Variants in STYK1 observed in about 807,000 individuals in gnomAD.
STYK1 encodes the protein STY kinase 1.
A neutral mutation model predicts 48.1 loss-of-function variants in STYK1; 46 were observed. The observed-to-expected ratio is 0.96, with a 90% confidence interval of 0.75 to 1.22. The LOEUF (loss-of-function observed/expected upper bound fraction) is 1.22, where lower values mean the gene tolerates loss of function less well. STYK1 is among the 50% of genes most tolerant of loss of function. STYK1 has a pLI of 0.00. For synonymous variants in STYK1, 188 were observed against 189.0 expected (o/e 0.99, Z 0.04); for missense variants, 527 against 521.1 (o/e 1.01, Z -0.11).
chr12:10,620,436 A>G, intron 10 of STYK1, 88 bp from the exon 11 acceptor site: 1 of 1,209,212 alleles, frequency 8.3e-7, no homozygotes, highest in Non-Finnish European at 1.2e-6. Flanking sequence ...TTAACAAACA[A>G]CTCTGCAATT....
intron 2 of STYK1, among the ~76,000 whole-genome samples, chr12:10,635,338 TAAA>T (rs768667267): frequency 7.2e-5 from 11 of 152,306 alleles, no homozygotes; most frequent in Non-Finnish European, 1.3e-4. Context: ...AGATAACAAA[TAAA>T]AAATTGACAG....
chr12:10,634,605 C>T lies in STYK1; in HGVS notation c.14G>A (p.Arg5Gln), dbSNP rs773219958. 27 of 1,613,996 alleles carry T rather than the reference C, an allele frequency of 1.7e-5. No homozygotes were observed. Among genetic ancestry groups the T allele is most frequent in the African/African-American group, 6.7e-5 (5 of 74,900 alleles). The stretch of plus-strand genomic sequence containing the variant: ...ACTGAGACTGCATTCCAGGAGCATC[C>T]GTGTCATGCCCATTGCCACAGGGCT... Reference protein sequence around the residue: MGMTRMLLECSLSDK... With the variant: MGMTQMLLECSLSDK... Residue 5 changes from arginine to glutamine, a missense_variant, in exon 3 of 11, where the codon CGG becomes CAG. Arg to Gln is a conservative substitution (Grantham distance 43). Coordinates refer to ENST00000075503, the MANE Select transcript of STYK1 (RefSeq NM_018423.3).
intron 1 of STYK1, among the ~76,000 whole-genome samples, chr12:10,654,397 T>C (rs1947695524): frequency 6.6e-6 from 1 of 152,216 alleles, no homozygotes; most frequent in Non-Finnish European, 1.5e-5. Flanking sequence ...CCCTGAATTA[T>C]TTCTTTAGCA....
chr12:10,628,677 G>C (rs1367517034), intron 6 of STYK1, among the ~76,000 whole-genome samples: 1 of 152,124 alleles, frequency 6.6e-6, no homozygotes, highest in East Asian at 1.9e-4. Flanking sequence ...TAGGGAAACA[G>C]GTAGCACTTC....
intron 1 of STYK1, among the ~76,000 whole-genome samples, chr12:10,644,870 A>T (rs1415578593): frequency 2.0e-5 from 3 of 152,166 alleles, no homozygotes; most frequent in Non-Finnish European, 4.4e-5. Context: ...TCTGGACCAG[A>T]GATAAATATT....
At position 10,629,517 on chromosome 12, in the gene STYK1, G is replaced by T; in HGVS notation, c.609C>A (p.Leu203=). Residue 203 remains leucine, a synonymous_variant, in exon 6 of 11, where the codon CTC becomes CTA. Transcript: ENST00000075503. The stretch of plus-strand genomic sequence containing the variant: ...CCCGCCGACAGGTCCAGAGAAAGCT[G>T]AGCAGGTCCCCCTGGGCCACATCCT... ...VLEDVAQGDL[L]SFLWTCRRDV... is the part of the protein sequence containing the mutation. 6.2e-7 allele frequency: 1 copy of T among 1,614,050 alleles called. No individual in the cohort carries two copies. The highest frequency in any genetic ancestry group is 1.1e-5 in the South Asian group (1 of 91,066).
intron 1 of STYK1, among the ~76,000 whole-genome samples, chr12:10,638,496 ATATAAC>A (rs1329498929): frequency 5.9e-5 from 9 of 152,228 alleles, no homozygotes; most frequent in Admixed American, 3.9e-4. Flanking sequence ...AAGCTCATGA[ATATAAC>A]TATAACGAAA....
intron 1 of STYK1, among the ~76,000 whole-genome samples, chr12:10,647,102 T>A (rs1947608769): frequency 1.3e-5 from 2 of 152,222 alleles, no homozygotes; most frequent in South Asian, 4.1e-4. Context: ...AATGTCCCTA[T>A]TGGGGCACCA....
intron 7 of STYK1, among the ~76,000 whole-genome samples, chr12:10,625,393 A>G (rs1054367190): frequency 6.6e-6 from 1 of 151,836 alleles, no homozygotes; most frequent in African/African-American, 2.4e-5. Flanking sequence ...AATTTTTTGT[A>G]TTTTTAGTAG....
intron 2 of STYK1, among the ~76,000 whole-genome samples, chr12:10,635,881 C>A (rs1000785890): frequency 2.0e-5 from 3 of 152,154 alleles, no homozygotes; most frequent in African/African-American, 4.8e-5. Flanking sequence ...TTATATTTTG[C>A]CTTTGCTTGA....
chr12:10,645,750 G>A (rs2120714066), intron 1 of STYK1, among the ~76,000 whole-genome samples: 1 of 152,300 alleles, frequency 6.6e-6, no homozygotes, highest in Middle Eastern at 3.4e-3. Context: ...ACTTGATATG[G>A]TTTGGCTGTG....
At chr12:10,667,587 C>T (rs1947846574) in intron 1 of STYK1, 1 of 152,332 alleles carries the variant, frequency 6.6e-6, no homozygotes, top group African/African-American at 2.4e-5. Flanking sequence ...CTGTGATCAT[C>T]CCACTGTACT....
intron 1 of STYK1, among the ~76,000 whole-genome samples, chr12:10,661,648 AT>A (rs1359478566): frequency 6.6e-6 from 1 of 152,224 alleles, no homozygotes; most frequent in Non-Finnish European, 1.5e-5. Context: ...ATATTTAGTC[AT>A]TTAATTCTAC....
At chr12:10,643,971 G>A (rs368113979) in intron 1 of STYK1, among the ~76,000 whole-genome samples, 11 of 151,052 alleles carry the variant, frequency 7.3e-5, no homozygotes, top group African/African-American at 9.7e-5. Context: ...TTGTATTTTA[G>A]AAAAAAAAAA....
chr12:10,620,090 G>A lies in STYK1; in HGVS notation c.*54C>T. On this transcript the variant is annotated 3_prime_UTR_variant, in exon 11 of 11. Coordinates refer to ENST00000075503, the MANE Select transcript of STYK1 (RefSeq NM_018423.3). ...GAAAGACCATTCTCTGTTCTTAGAG[G>A]AATTGATTCCAAGAACATATACTCA... 1 of 1,576,584 alleles carries A rather than the reference G, an allele frequency of 6.3e-7. No homozygotes were observed. Among genetic ancestry groups the A allele is most frequent in the South Asian group, 1.1e-5 (1 of 90,304 alleles).
Position 10,634,697 on chromosome 12 carries a change from A to T in STYK1, c.-68-11T>A, listed in dbSNP as rs1252167908. On this transcript the variant is annotated splice_polypyrimidine_tract_variant and intron_variant, in intron 2 of 10. Coordinates refer to ENST00000075503, the MANE Select transcript of STYK1 (RefSeq NM_018423.3). ...AGCTGTGAGTAATTCCTAAGGATTG[A>T]GTGGTTTTTGAAAAAAATAAAATGA... 3.3e-6 allele frequency: 5 copies of T among 1,529,088 alleles called. No individual in the cohort carries two copies. The highest frequency in any genetic ancestry group is 4.5e-6 in the Non-Finnish European group (5 of 1,120,766). The allele number at this position is 1,529,088 out of a possible 1,614,324, so 94.7% of individuals were successfully genotyped here.
chr12:10,637,530 A>AG (rs1591684985), intron 1 of STYK1, among the ~76,000 whole-genome samples: 1 of 151,946 alleles, frequency 6.6e-6, no homozygotes, highest in African/African-American at 2.4e-5. Context: ...TTTAGTAGAG[A>AG]GGGGGTTTCA....
chr12:10,668,552 T>C (rs1461335538), intron 1 of STYK1, among the ~76,000 whole-genome samples: 1 of 133,768 alleles, frequency 7.5e-6, no homozygotes. Flanking sequence ...TTTTTTTTTT[T>C]TTTTTTTTTT....
At chr12:10,671,530 T>C (rs1947892202) in intron 1 of STYK1, among the ~76,000 whole-genome samples, 1 of 152,138 alleles carries the variant, frequency 6.6e-6, no homozygotes, top group African/African-American at 2.4e-5. Context: ...CCAAGGACTG[T>C]AGCAGCCTCT....
Sources: allele counts gnomAD v4.1 joint callset (sites outside exome capture counted in the v4.1 genomes callset), GRCh38; gene constraint gnomAD v4.1.1; transcripts MANE v1.5; gene names NCBI Gene and HGNC (gene_info 2026-07-23, HGNC 2026-07-21).